RALGPS2: variants seen among roughly 807,000 people sequenced by gnomAD.
RALGPS2 encodes ras-specific guanine nucleotide-releasing factor RalGPS2.
Under a neutral mutation model 86.8 loss-of-function variants are expected in RALGPS2, and 43 were observed. That is an observed-to-expected ratio of 0.50 (90% CI 0.39 to 0.64). RALGPS2 has a LOEUF of 0.64. RALGPS2 is among the 30% of genes least tolerant of loss of function. The pLI, the probability that RALGPS2 is intolerant of heterozygous loss-of-function variation, is 0.00. For missense variants in RALGPS2, 536 were observed against 694.6 expected (o/e 0.77, Z 2.57); for synonymous variants, 243 against 231.3 (o/e 1.05, Z -0.46).
At position 178,765,649 on chromosome 1, in the gene RALGPS2, C is replaced by T. The variant is rs542787651; in HGVS notation, c.-83-11033C>T. ...ACCAAAATTTATTAGGCGGGAATTTCCTTTTCCTAATAAGCCTGAGAGCGC... is the reference window on the plus strand; with the variant it reads ...ACCAAAATTTATTAGGCGGGAATTTTCTTTTCCTAATAAGCCTGAGAGCGC... On this transcript the variant is annotated intron_variant, in intron 1 of 19. Transcript: ENST00000367635. 1.8e-4 allele frequency among the ~76,000 whole-genome samples: 28 copies of T among 152,262 alleles called. 1 individual carries two copies. The East Asian group carries it at 4.1e-3, about 22-fold the overall frequency.
At chr1:178,884,538 G>A (rs987945421) in intron 11 of RALGPS2, among the ~76,000 whole-genome samples, 7 of 152,164 alleles carry the variant, frequency 4.6e-5, no homozygotes, top group South Asian at 4.1e-4. Flanking sequence ...AAAAAACATT[G>A]CAGTTTAAAT....
At chr1:178,730,569 GT>G (rs1001441824) in intron 1 of RALGPS2, among the ~76,000 whole-genome samples, 16 of 142,948 alleles carry the variant, frequency 1.1e-4, no homozygotes, top group African/African-American at 3.3e-4. Context: ...TGACCCTTCA[GT>G]TTTAAAAAAA....
intron 2 of RALGPS2, among the ~76,000 whole-genome samples, chr1:178,783,166 T>C (rs1349352374): frequency 6.6e-6 from 1 of 151,890 alleles, no homozygotes; most frequent in Non-Finnish European, 1.5e-5. Context: ...CTATTAAGAA[T>C]TGAAAAGAAA....
intron 16 of RALGPS2, among the ~76,000 whole-genome samples, chr1:178,897,316 G>A (rs770457464): frequency 1.3e-5 from 2 of 152,126 alleles, no homozygotes; most frequent in Non-Finnish European, 2.9e-5. Context: ...TGGAGAAATA[G>A]GAACACTTTT....
intron 8 of RALGPS2, chr1:178,851,371 C>A: frequency 6.9e-7 from 1 of 1,444,698 alleles, no homozygotes; most frequent in Non-Finnish European, 9.2e-7. Context: ...GTGTGGTACT[C>A]TGCAATCATA....
intron 8 of RALGPS2, among the ~76,000 whole-genome samples, chr1:178,858,993 C>A (rs1657776661): frequency 1.3e-5 from 2 of 152,172 alleles, no homozygotes; most frequent in South Asian, 4.1e-4. Flanking sequence ...TTGGGTTGTG[C>A]ATTAACTTTC....
intron 1 of RALGPS2, among the ~76,000 whole-genome samples, chr1:178,748,435 C>T (rs1651462992): frequency 6.6e-6 from 1 of 151,998 alleles, no homozygotes; most frequent in Non-Finnish European, 1.5e-5. Context: ...TAGTCACAAA[C>T]TGGAAAAAAT....
intron 4 of RALGPS2, among the ~76,000 whole-genome samples, chr1:178,805,492 C>A (rs1654698470): frequency 6.6e-6 from 1 of 151,672 alleles, no homozygotes; most frequent in Non-Finnish European, 1.5e-5. Flanking sequence ...CAGCTTTCTA[C>A]ATATGGCTAG....
chr1:178,859,511 T>C (rs1657818891), intron 8 of RALGPS2, among the ~76,000 whole-genome samples: 1 of 146,890 alleles, frequency 6.8e-6, no homozygotes. Context: ...TCAAGCAATT[T>C]TCCTGCCTCA....
At chr1:178,911,140 C>T (rs1001745026) in intron 19 of RALGPS2, among the ~76,000 whole-genome samples, 3 of 152,106 alleles carry the variant, frequency 2.0e-5, no homozygotes, top group South Asian at 2.1e-4. Flanking sequence ...TGGATCTTTT[C>T]TCTTGTTTTA....
intron 8 of RALGPS2, among the ~76,000 whole-genome samples, chr1:178,864,452 C>T (rs1270887962): frequency 6.6e-6 from 1 of 152,032 alleles, no homozygotes; most frequent in Non-Finnish European, 1.5e-5. Context: ...TAGACTTACT[C>T]AGTATAGTAG....
At chr1:178,854,661 A>C (rs1657409812) in intron 8 of RALGPS2, among the ~76,000 whole-genome samples, 1 of 152,162 alleles carries the variant, frequency 6.6e-6, no homozygotes, top group Non-Finnish European at 1.5e-5. Flanking sequence ...TAGAACGATT[A>C]ACTAAGGTCA....
intron 5 of RALGPS2, among the ~76,000 whole-genome samples, chr1:178,809,620 T>C (rs1004606775): frequency 6.6e-6 from 1 of 152,108 alleles, no homozygotes; most frequent in Admixed American, 6.5e-5. Flanking sequence ...TATGAAACCA[T>C]GTCTTGGTGT....
In RALGPS2 at chr1:178,893,915, A is replaced by G. The variant is rs374173199; in HGVS notation, c.1326-4A>G. 20 of 1,579,070 alleles carry G rather than the reference A, an allele frequency of 1.3e-5. No individual in the cohort carries two copies. In the African/African-American group the frequency reaches 2.3e-4, roughly 18 times the overall value. On this transcript the variant is annotated splice_polypyrimidine_tract_variant and splice_region_variant and intron_variant, in intron 15 of 19. Coordinates refer to ENST00000367635, the MANE Select transcript of RALGPS2 (RefSeq NM_152663.5). Reference sequence around the variant, plus strand: ...CTTATGTGTTCTTTTCTTCGTTATTATAGTTCTGCAGAATCAGAAGATTTG... The same window carrying G: ...CTTATGTGTTCTTTTCTTCGTTATTGTAGTTCTGCAGAATCAGAAGATTTG...
intron 19 of RALGPS2, among the ~76,000 whole-genome samples, chr1:178,910,951 G>T (rs577137019): frequency 6.6e-6 from 1 of 152,200 alleles, no homozygotes; most frequent in African/African-American, 2.4e-5. Flanking sequence ...CTCATTATTG[G>T]TCTTTTTAGG....
At chr1:178,853,095 TGC>T in intron 8 of RALGPS2, 2 of 1,427,476 alleles carry the variant, frequency 1.4e-6, no homozygotes, top group Non-Finnish European at 1.8e-6. Flanking sequence ...GTTGGTCACT[TGC>T]GTTTTATAAG....
intron 1 of RALGPS2, among the ~76,000 whole-genome samples, chr1:178,770,018 C>CTTTT (rs35638965): frequency 1.9e-3 from 250 of 134,156 alleles, no homozygotes; most frequent in Middle Eastern, 3.7e-3. Context: ...TCGATTGCTT[C>CTTTT]TTTTTTTTTT....
intron 8 of RALGPS2, chr1:178,851,357 C>G (rs749647590): frequency 7.7e-6 from 12 of 1,566,650 alleles, no homozygotes; most frequent in Middle Eastern, 2.2e-4. Context: ...AAAGTTTCTT[C>G]TAGGTGTGGT....
At chr1:178,737,247 G>A (rs1373718405) in intron 1 of RALGPS2, among the ~76,000 whole-genome samples, 1 of 152,022 alleles carries the variant, frequency 6.6e-6, no homozygotes, top group Non-Finnish European at 1.5e-5. Flanking sequence ...TCACTGTCTT[G>A]CGCCTTTTTT....
Sources: gnomAD v4.1 joint callset for allele counts (sites outside exome capture counted in the v4.1 genomes callset) on GRCh38, gnomAD v4.1.1 for gene constraint, MANE v1.5 for transcripts, NCBI Gene and HGNC (gene_info 2026-07-23, HGNC 2026-07-21) for gene names.